BPI: variants seen among roughly 807,000 people sequenced by gnomAD.
BPI encodes the protein bactericidal permeability-increasing protein.
A neutral mutation model predicts 57.6 loss-of-function variants in BPI; 48 were observed. That is an observed-to-expected ratio of 0.83 (90% CI 0.66 to 1.06). BPI has a LOEUF of 1.06. Among genes scored for constraint, BPI ranks in the 50% least tolerant of loss-of-function variants. BPI has a pLI of 0.00. For missense variants in BPI, 651 were observed against 609.7 expected (o/e 1.07, Z -0.71); for synonymous variants, 237 against 238.2 (o/e 0.99, Z 0.05).
At chr20:38,328,717 G>A (rs748214013) in intron 11 of BPI, among the ~76,000 whole-genome samples, 1 of 151,998 alleles carries the variant, frequency 6.6e-6, no homozygotes, top group Non-Finnish European at 1.5e-5. Context: ...GAAATACAGG[G>A]CCAGGCATGG....
At position 38,323,084 on chromosome 20, in the gene BPI, T is replaced by A. The variant is rs543947793; in HGVS notation, c.757-786T>A. On this transcript the variant is annotated intron_variant, in intron 7 of 14. Transcript: ENST00000642449. ...TATTTCCTTCTGATTTTTAAAAAAA[T>A]TTAAAAAACTGTAGAAATAACTAAC... Among the ~76,000 whole-genome samples, 78 of 152,312 alleles carry A rather than the reference T, an allele frequency of 5.1e-4. 1 individual carries two copies. The highest frequency in any genetic ancestry group is 3.4e-3 in the Middle Eastern group (1 of 294).
intron 11 of BPI, among the ~76,000 whole-genome samples, chr20:38,328,553 A>C (rs1258251540): frequency 6.6e-6 from 1 of 152,060 alleles, no homozygotes; most frequent in African/African-American, 2.4e-5. Flanking sequence ...CTGTCTCAAA[A>C]AATAAAAAAT....
In BPI at chr20:38,320,330, G is replaced by T. The variant is rs1200421228; in HGVS notation, c.756+56G>T. The T allele has an allele frequency of 5.3e-6, 8 of 1,512,900 alleles. No individual in the cohort carries two copies. In the African/African-American group the frequency reaches 9.7e-5, roughly 18 times the overall value. The allele number at this position is 1,512,900 out of a possible 1,614,324, so 93.7% of individuals were successfully genotyped here. A position where few individuals can be genotyped will look rare whatever the true frequency, so the allele number is the denominator to read the frequency against. On this transcript the variant is annotated intron_variant, in intron 7 of 14. Coordinates refer to ENST00000642449, the MANE Select transcript of BPI (RefSeq NM_001725.3). ...CACACCTCTGTCTCAGACACTCCAG[G>T]GCTCCCCAGTCCTTGGAAACAAACT...
At chr20:38,314,404 T>C (rs1325321210) in intron 5 of BPI, among the ~76,000 whole-genome samples, 2 of 147,832 alleles carry the variant, frequency 1.4e-5, no homozygotes, top group African/African-American at 5.0e-5. Flanking sequence ...ATGATGGTGA[T>C]GGTGGGGATG....
chr20:38,331,376 A>G (rs780259216), intron 12 of BPI, among the ~76,000 whole-genome samples: 24 of 152,222 alleles, frequency 1.6e-4, no homozygotes, highest in African/African-American at 2.2e-4. Flanking sequence ...TTAAACATGC[A>G]CAATCTGGTA....
intron 9 of BPI, among the ~76,000 whole-genome samples, 190 bp downstream of exon 9, chr20:38,325,023 G>A (rs1365755337): frequency 3.3e-5 from 5 of 152,248 alleles, no homozygotes; most frequent in Non-Finnish European, 7.3e-5. Flanking sequence ...TTGACCAGGT[G>A]TGGGAGTAGA....
chr20:38,326,427 G>A lies in BPI; in HGVS notation c.1156G>A (p.Gly386Ser). 1 of 1,612,916 alleles carries A rather than the reference G, an allele frequency of 6.2e-7. No homozygotes were observed. The highest frequency in any genetic ancestry group is 2.2e-5 in the East Asian group (1 of 44,838). Residue 386 changes from glycine to serine, a missense_variant, in exon 10 of 15, where the codon GGC becomes AGC. Coordinates refer to ENST00000642449, the MANE Select transcript of BPI (RefSeq NM_001725.3). ...CTCCCTGGCTTCCCTCTTCCTGATT[G>A]GCATGGTAAGCAGTTCCTGGGTTGG... is the stretch of plus-strand genomic sequence containing the variant. ...NSSLASLFLIGMHTTGSMEVS... is the reference protein window; with the variant it reads ...NSSLASLFLISMHTTGSMEVS...
intron 5 of BPI, among the ~76,000 whole-genome samples, chr20:38,315,818 TTC>T (rs1400673652): frequency 1.5e-5 from 2 of 136,618 alleles, no homozygotes; most frequent in African/African-American, 5.4e-5. Flanking sequence ...TCTTCTTCCT[TTC>T]TTTTCTTTTC....
chr20:38,314,148 AGAT>A (rs1368320024), intron 5 of BPI, among the ~76,000 whole-genome samples: 555 of 58,778 alleles, frequency 9.4e-3, no homozygotes, highest in East Asian at 0.012. Context: ...GGTGGTGGTG[AGAT>A]TGAGGATGGT....
chr20:38,318,288 C>T (rs537140348), intron 5 of BPI, 125 bp from the exon 6 acceptor site: 15 of 1,219,424 alleles, frequency 1.2e-5, no homozygotes, highest in Admixed American at 1.0e-4. Context: ...AAAAGGGAAA[C>T]TTGATTGGCT....
At chr20:38,329,030 T>TAAATAAATAAATAAATAAAC (rs1166514929) in intron 11 of BPI, among the ~76,000 whole-genome samples, 4 of 150,866 alleles carry the variant, frequency 2.7e-5, no homozygotes, top group African/African-American at 7.4e-5. Context: ...AATAAATAAA[T>TAAATAAATAAATAAATAAAC]AAACAAATAG....
At chr20:38,306,707 G>A (rs956557694) in intron 1 of BPI, among the ~76,000 whole-genome samples, 4 of 152,168 alleles carry the variant, frequency 2.6e-5, no homozygotes, top group Non-Finnish European at 5.9e-5. Flanking sequence ...CAGAGAGGTG[G>A]GAGATCTGTG....
At chr20:38,309,181 T>C (rs2076610718) in intron 3 of BPI, 123 bp downstream of exon 3, 3 of 1,384,444 alleles carry the variant, frequency 2.2e-6, no homozygotes, top group Non-Finnish European at 3.0e-6. Flanking sequence ...AGCCACAGCG[T>C]TCCTCAGGAA....
chr20:38,309,320 T>C (rs554931294), intron 3 of BPI, among the ~76,000 whole-genome samples: 32 of 152,298 alleles, frequency 2.1e-4, no homozygotes, highest in Non-Finnish European at 2.9e-5. Flanking sequence ...AGTGGAACCT[T>C]TAATTTATCC....
intron 9 of BPI, 96 bp downstream of exon 9, chr20:38,324,929 C>A: frequency 1.0e-6 from 1 of 987,284 alleles, no homozygotes. Context: ...CCCAACATAA[C>A]ACACACAAGA....
intron 7 of BPI, among the ~76,000 whole-genome samples, chr20:38,323,256 G>A (rs1302540657): frequency 6.6e-6 from 1 of 151,752 alleles, no homozygotes; most frequent in African/African-American, 2.4e-5. Flanking sequence ...TCTATAATTT[G>A]GTTTTTTAAG....
Position 38,324,012 on chromosome 20 carries a change from C to G in BPI, c.899C>G (p.Ala300Gly). ...FNTAGLVYQE[A>G]GVLKMTLRDD... ...ACAGCCGGGCTTGTATACCAAGAGG[C>G]TGGGGTCTTGAAGATGACCCTTAGA... is the stretch of plus-strand genomic sequence containing the variant. The change falls in exon 8 of 15, where the codon GCT (alanine) becomes GGT (glycine). Residue 300 changes from alanine to glycine, a missense_variant. Ala to Gly is a moderately conservative substitution (Grantham distance 60). Transcript: ENST00000642449. 6.2e-7 allele frequency: 1 copy of G among 1,614,090 alleles called. No homozygotes were observed. The highest frequency in any genetic ancestry group is 8.5e-7 in the Non-Finnish European group (1 of 1,180,020).
intron 9 of BPI, among the ~76,000 whole-genome samples, chr20:38,326,039 G>A (rs2076711157): frequency 6.6e-6 from 1 of 152,120 alleles, no homozygotes; most frequent in South Asian, 2.1e-4. Flanking sequence ...GTTGAGTTTG[G>A]GGCACAGAAA....
rs761505075 is a variant in BPI at position 38,308,983 on chromosome 20, A to G, written c.299A>G (p.Asn100Ser). ...AGTTCCCAGATAAGCATGGTGCCCA[A>G]TGTGGGCCTTAAGTTCTCCATCAGC... The part of the protein sequence containing the change: ...LPSSQISMVP[N>S]VGLKFSISNA... Residue 100 changes from asparagine to serine, a missense_variant, in exon 3 of 15, where the codon AAT (asparagine) becomes AGT (serine). Coordinates refer to ENST00000642449, the MANE Select transcript of BPI (RefSeq NM_001725.3). 16 of 1,614,086 alleles carry G rather than the reference A, an allele frequency of 9.9e-6. No individual in the cohort carries two copies. In the East Asian group the frequency reaches 3.6e-4, roughly 36 times the overall value.
Sources: allele counts gnomAD v4.1 joint callset (sites outside exome capture counted in the v4.1 genomes callset), GRCh38; gene constraint gnomAD v4.1.1; transcripts MANE v1.5; gene names NCBI Gene and HGNC (gene_info 2026-07-23, HGNC 2026-07-21).